The following ARHGEF26 variants were observed in gnomAD, a reference collection of about 807,000 sequenced individuals.
ARHGEF26 encodes Rho guanine nucleotide exchange factor (GEF) 26.
Under a neutral mutation model 89.4 loss-of-function variants are expected in ARHGEF26, and 59 were observed. The ratio of observed to expected loss-of-function variants is 0.66; its 90% confidence interval spans 0.54 to 0.82. ARHGEF26 has a LOEUF of 0.82. ARHGEF26 is among the 40% of genes least tolerant of loss of function. ARHGEF26 has a pLI of 0.00. For synonymous variants in ARHGEF26, 500 were observed against 428.4 expected (o/e 1.17, Z -2.06); for missense variants, 1,234 against 1,085.6 (o/e 1.14, Z -1.92).
chr3:154,224,776 T>G (rs1716371091), intron 10 of ARHGEF26, among the ~76,000 whole-genome samples: 1 of 152,210 alleles, frequency 6.6e-6, no homozygotes, highest in Non-Finnish European at 1.5e-5. Context: ...TTATCTTCGT[T>G]TTTTGGACCT....
At chr3:154,139,321 C>T (rs1056915809) in intron 4 of ARHGEF26, among the ~76,000 whole-genome samples, 1 of 152,120 alleles carries the variant, frequency 6.6e-6, no homozygotes, top group Non-Finnish European at 1.5e-5. Context: ...GTGGTTTTAT[C>T]AATCTTGTAC....
intron 11 of ARHGEF26, among the ~76,000 whole-genome samples, chr3:154,227,357 G>A (rs906304590): frequency 1.3e-4 from 19 of 146,836 alleles, no homozygotes; most frequent in African/African-American, 4.6e-4. Context: ...GTGCAGTGGC[G>A]TGATCTCGGC....
chr3:154,166,170 C>G lies in ARHGEF26; in HGVS notation c.1487+13238C>G, dbSNP rs538527357. 1.7e-4 allele frequency among the ~76,000 whole-genome samples: 26 copies of G among 152,196 alleles called. 1 individual carries two copies. Among genetic ancestry groups the G allele is most frequent in the African/African-American group, 5.3e-4 (22 of 41,538 alleles). ...GATTCTCCTGCCTCAGTAGGAGAAT[C>G]TACTACTCCTACTGGGACTACAGGC... On this transcript the variant is annotated intron_variant, in intron 6 of 14. Coordinates refer to ENST00000465093, the MANE Select transcript of ARHGEF26 (RefSeq NM_015595.4).
chr3:154,221,052 A>G (rs1716092539), intron 10 of ARHGEF26, among the ~76,000 whole-genome samples: 1 of 151,938 alleles, frequency 6.6e-6, no homozygotes, highest in Admixed American at 6.6e-5. Context: ...GGAACAGATT[A>G]TTCCCTAGCA....
chr3:154,256,896 A>AGTC lies in ARHGEF26; in HGVS notation c.*1425_*1427dup, dbSNP rs1718554825. ...ACAGAGAGAGAAAGGTTATCTTAAT[A>AGTC]GTCGGTTTCATGGAGATGAAGGATG... On this transcript the variant is annotated 3_prime_UTR_variant, in exon 15 of 15. Coordinates refer to ENST00000465093, the MANE Select transcript of ARHGEF26 (RefSeq NM_015595.4). The AGTC allele has an allele frequency of 6.5e-7, 1 of 1,534,962 alleles. No homozygotes were observed. The highest frequency in any genetic ancestry group is 1.4e-5 in the African/African-American group (1 of 72,904).
intron 11 of ARHGEF26, among the ~76,000 whole-genome samples, chr3:154,231,292 C>T (rs1716809421): frequency 6.6e-6 from 1 of 152,120 alleles, no homozygotes; most frequent in African/African-American, 2.4e-5. Flanking sequence ...TATTGTTTCC[C>T]CTGCATCTGT....
intron 4 of ARHGEF26, among the ~76,000 whole-genome samples, chr3:154,130,611 CTG>C (rs1718630107): frequency 6.6e-6 from 1 of 152,004 alleles, no homozygotes; most frequent in African/African-American, 2.4e-5. Flanking sequence ...TGTTTTTTAA[CTG>C]TATATTTTTT....
At chr3:154,230,739 TA>T (rs1207060533) in intron 11 of ARHGEF26, among the ~76,000 whole-genome samples, 1 of 152,210 alleles carries the variant, frequency 6.6e-6, no homozygotes, top group Non-Finnish European at 1.5e-5. Flanking sequence ...ATACTGTGTA[TA>T]GCTTGAGCCC....
At chr3:154,128,948 C>CAG (rs1718508018) in intron 3 of ARHGEF26, among the ~76,000 whole-genome samples, 1 of 152,144 alleles carries the variant, frequency 6.6e-6, no homozygotes, top group Non-Finnish European at 1.5e-5. Flanking sequence ...TTCTCTCATG[C>CAG]TTTAGTATCA....
At chr3:154,224,722 C>T (rs1272360236) in intron 10 of ARHGEF26, among the ~76,000 whole-genome samples, 1 of 152,058 alleles carries the variant, frequency 6.6e-6, no homozygotes, top group African/African-American at 2.4e-5. Context: ...TCATAAACTC[C>T]CTTAGCAGCC....
intron 9 of ARHGEF26, among the ~76,000 whole-genome samples, chr3:154,199,909 A>T (rs1714524824): frequency 6.6e-6 from 1 of 151,748 alleles, no homozygotes; most frequent in Admixed American, 6.6e-5. Flanking sequence ...GGATTATTAG[A>T]TTTTTTTTCT....
intron 6 of ARHGEF26, among the ~76,000 whole-genome samples, chr3:154,183,316 T>G (rs548545125): frequency 6.6e-6 from 1 of 152,324 alleles, no homozygotes; most frequent in East Asian, 1.9e-4. Context: ...AAGATAAAGG[T>G]TGTGTAACAT....
chr3:154,145,103 C>A (rs2108082178), intron 4 of ARHGEF26, among the ~76,000 whole-genome samples: 1 of 152,240 alleles, frequency 6.6e-6, no homozygotes, highest in East Asian at 1.9e-4. Context: ...GTCTTAGAAC[C>A]TTTCCTTGTG....
In ARHGEF26 at chr3:154,255,494, TACTGCAAGATTTGC is replaced by T. The variant is rs1559932709; in HGVS notation, c.*24_*37del. The T allele has an allele frequency of 1.2e-6, 2 of 1,605,328 alleles. No homozygotes were observed. The highest frequency in any genetic ancestry group is 4.5e-5 in the East Asian group (2 of 44,794). ...TGTAGTCTCTCAGATGGTCTTTTGTTACTGCAAGATTTGCACGACACTTACCGGGCTGGTTGGTT... is the reference window on the plus strand; with the variant it reads ...TGTAGTCTCTCAGATGGTCTTTTGTTACGACACTTACCGGGCTGGTTGGTT... On this transcript the variant is annotated 3_prime_UTR_variant, in exon 15 of 15. Coordinates refer to ENST00000465093, the MANE Select transcript of ARHGEF26 (RefSeq NM_015595.4).
chr3:154,131,884 A>C (rs550025449), intron 4 of ARHGEF26, among the ~76,000 whole-genome samples: 1 of 152,238 alleles, frequency 6.6e-6, no homozygotes, highest in East Asian at 1.9e-4. Context: ...CTTCAGTTCA[A>C]CTTTGTTTAT....
intron 12 of ARHGEF26, among the ~76,000 whole-genome samples, chr3:154,248,046 G>A: frequency 6.6e-6 from 1 of 152,178 alleles, no homozygotes; most frequent in Non-Finnish European, 1.5e-5. Context: ...ACAGGCTGTG[G>A]CAAGTGGAGT....
At chr3:154,236,636 C>G (rs904566981) in intron 11 of ARHGEF26, among the ~76,000 whole-genome samples, 9 of 152,312 alleles carry the variant, frequency 5.9e-5, no homozygotes, top group African/African-American at 2.2e-4. Flanking sequence ...TTTCCCAACC[C>G]TGTTTAGCCT....
intron 7 of ARHGEF26, among the ~76,000 whole-genome samples, chr3:154,190,151 C>G (rs1041425575): frequency 2.0e-5 from 3 of 152,082 alleles, no homozygotes; most frequent in Non-Finnish European, 2.9e-5. Flanking sequence ...CAGAGCTCCT[C>G]ATGGGATGAA....
chr3:154,256,510 G>T lies in ARHGEF26; in HGVS notation c.*1037G>T. On this transcript the variant is annotated 3_prime_UTR_variant, in exon 15 of 15. Transcript: ENST00000465093. ...GGCCTCCCCAAGTGCTGGGATTATAGGCATGAGCCACCGTGCCCAGCCTAC... is the reference window on the plus strand; with the variant it reads ...GGCCTCCCCAAGTGCTGGGATTATATGCATGAGCCACCGTGCCCAGCCTAC... 6.4e-6 allele frequency: 6 copies of T among 942,912 alleles called. No individual in the cohort carries two copies. Among genetic ancestry groups the T allele is most frequent in the Non-Finnish European group, 6.2e-6 (5 of 800,616 alleles). The allele number at this position is 942,912 out of a possible 1,614,324, so 58.4% of individuals were successfully genotyped here.
Sources: allele counts gnomAD v4.1 joint callset (sites outside exome capture counted in the v4.1 genomes callset), GRCh38; gene constraint gnomAD v4.1.1; transcripts MANE v1.5; gene names NCBI Gene and HGNC (gene_info 2026-07-23, HGNC 2026-07-21).